Variants in SELENOF observed in about 807,000 individuals in gnomAD.
SELENOF encodes 15 kDa selenoprotein.
A neutral mutation model predicts 20.5 loss-of-function variants in SELENOF; 16 were observed. That is an observed-to-expected ratio of 0.78 (90% CI 0.53 to 1.19). The LOEUF is 1.19. Among genes scored for constraint, SELENOF ranks in the 50% most tolerant of loss-of-function variants. The pLI is 0.00. For missense variants in SELENOF, 215 were observed against 194.2 expected (o/e 1.11, Z -0.64); for synonymous variants, 78 against 74.5 (o/e 1.05, Z -0.24).
At chr1:86,909,984 G>A (rs1471078652) in intron 1 of SELENOF, among the ~76,000 whole-genome samples, 2 of 151,906 alleles carry the variant, frequency 1.3e-5, no homozygotes, top group Non-Finnish European at 2.9e-5. Flanking sequence ...GCGAGACTTC[G>A]TCTCAAAAAA....
intron 3 of SELENOF, among the ~76,000 whole-genome samples, chr1:86,877,842 G>A (rs1035842773): frequency 6.6e-6 from 1 of 152,132 alleles, no homozygotes; most frequent in Non-Finnish European, 1.5e-5. Flanking sequence ...TATAATAGCA[G>A]AGTTCGATAG....
chr1:86,880,627 T>C (rs1331186025), intron 3 of SELENOF, 35 bp downstream of exon 3: 1 of 1,227,044 alleles, frequency 8.1e-7, no homozygotes, highest in Non-Finnish European at 1.1e-6. Context: ...TGATTTTAAA[T>C]GACTGAACAG....
intron 2 of SELENOF, 36 bp from the exon 3 acceptor site, chr1:86,880,761 A>G (rs1322218925): frequency 1.6e-6 from 2 of 1,289,104 alleles, no homozygotes; most frequent in African/African-American, 3.0e-5. Context: ...AAAAACTGGT[A>G]TAAATTAAAA....
Position 86,868,081 on chromosome 1 carries a change from G to T in SELENOF, c.338C>A (p.Pro113His). 6.5e-7 allele frequency: 1 copy of T among 1,531,166 alleles called. No homozygotes were observed. The allele number at this position is 1,531,166 out of a possible 1,614,324, so 94.8% of individuals were successfully genotyped here. The change falls in exon 4 of 5, where the codon CCC (proline) becomes CAC (histidine). Residue 113 changes from proline (P) to histidine (H), a missense_variant. Transcript: ENST00000331835. ...QVQAFVRSDK[P>H]KLFRGLQIKY... ...GATTTGCAGTCCTCTGAACAGTTTG[G>T]GTTTATCACTCCTAACAAAAGCTTA...
intron 2 of SELENOF, among the ~76,000 whole-genome samples, chr1:86,902,494 C>G (rs950381078): frequency 1.2e-4 from 18 of 152,178 alleles, no homozygotes; most frequent in African/African-American, 4.3e-4. Context: ...CATAATACTT[C>G]AAACAGAATT....
At chr1:86,897,176 G>A (rs549148228) in intron 2 of SELENOF, among the ~76,000 whole-genome samples, 3 of 152,090 alleles carry the variant, frequency 2.0e-5, no homozygotes, top group South Asian at 2.1e-4. Context: ...GCGTGGTGGC[G>A]GGTGGGAGGC....
chr1:86,894,188 TA>T (rs1553127568), intron 2 of SELENOF, among the ~76,000 whole-genome samples: 1 of 151,142 alleles, frequency 6.6e-6, no homozygotes, highest in Non-Finnish European at 1.5e-5. Context: ...TTTTTTTTTT[TA>T]AGTATTACTT....
At chr1:86,897,874 T>G (rs145918638) in intron 2 of SELENOF, among the ~76,000 whole-genome samples, 48 of 152,306 alleles carry the variant, frequency 3.2e-4, no homozygotes, top group African/African-American at 1.1e-3. Flanking sequence ...AACTGTGGAG[T>G]CCATGAGTCA....
intron 3 of SELENOF, among the ~76,000 whole-genome samples, chr1:86,879,680 G>C (rs528387981): frequency 1.3e-5 from 2 of 152,264 alleles, no homozygotes; most frequent in South Asian, 4.1e-4. Context: ...AAAAAAAAGA[G>C]AGAAAGCGTT....
intron 4 of SELENOF, 94 bp from the exon 5 acceptor site, chr1:86,863,699 A>T: frequency 4.4e-6 from 5 of 1,146,606 alleles, no homozygotes; most frequent in Non-Finnish European, 5.9e-6. Flanking sequence ...GTTTAAATTT[A>T]GTAATTAAAA....
chr1:86,866,773 T>C (rs751164911), intron 4 of SELENOF, among the ~76,000 whole-genome samples: 5 of 152,188 alleles, frequency 3.3e-5, no homozygotes, highest in Non-Finnish European at 7.4e-5. Flanking sequence ...ACATACTTAT[T>C]AGAACAACTA....
chr1:86,910,219 G>A (rs962973921), intron 1 of SELENOF, among the ~76,000 whole-genome samples: 2 of 152,156 alleles, frequency 1.3e-5, no homozygotes, highest in African/African-American at 4.8e-5. Context: ...TAAATTATAC[G>A]TCATGAGTAT....
chr1:86,907,964 CG>C (rs1268954047), intron 1 of SELENOF, among the ~76,000 whole-genome samples: 6 of 147,180 alleles, frequency 4.1e-5, no homozygotes, highest in African/African-American at 1.5e-4. Context: ...CCAGCCTGGG[CG>C]GTAAGTGTGA....
chr1:86,884,058 C>T (rs1659146472), intron 2 of SELENOF, among the ~76,000 whole-genome samples: 1 of 152,116 alleles, frequency 6.6e-6, no homozygotes, highest in African/African-American at 2.4e-5. Flanking sequence ...CATCAAATAG[C>T]CTGTAACTTG....
At chr1:86,894,906 A>G (rs1659481319) in intron 2 of SELENOF, among the ~76,000 whole-genome samples, 2 of 152,178 alleles carry the variant, frequency 1.3e-5, no homozygotes, top group Admixed American at 6.5e-5. Flanking sequence ...CCACTTTAAC[A>G]TTGGTCTTGA....
chr1:86,890,828 C>T (rs767563654), intron 2 of SELENOF, among the ~76,000 whole-genome samples: 4 of 152,030 alleles, frequency 2.6e-5, no homozygotes, highest in Non-Finnish European at 4.4e-5. Context: ...AATATTTAAA[C>T]TGTTTTTAGT....
chr1:86,909,868 G>C (rs1285828292), intron 1 of SELENOF, among the ~76,000 whole-genome samples: 1 of 152,188 alleles, frequency 6.6e-6, no homozygotes, highest in African/African-American at 2.4e-5. Context: ...AGCTGGGCGT[G>C]GGGGCGCGTG....
chr1:86,894,170 G>GT (rs36023452), intron 2 of SELENOF, among the ~76,000 whole-genome samples: 22,700 of 132,548 alleles, frequency 0.17, 2,143 homozygotes, highest in African/African-American at 0.27. Context: ...CAACCTGGAG[G>GT]TTTTTTTTTT....
chr1:86,892,080 G>A (rs867403524), intron 2 of SELENOF, among the ~76,000 whole-genome samples: 15 of 151,934 alleles, frequency 9.9e-5, no homozygotes, highest in South Asian at 4.2e-4. Flanking sequence ...ACAGGAGCCC[G>A]CCACCATGCC....
Sources: gnomAD v4.1 joint callset for allele counts (sites outside exome capture counted in the v4.1 genomes callset) on GRCh38, gnomAD v4.1.1 for gene constraint, MANE v1.5 for transcripts, NCBI Gene and HGNC (gene_info 2026-07-23, HGNC 2026-07-21) for gene names.